The following FAXDC2 variants were observed in gnomAD, a reference collection of about 807,000 sequenced individuals.
FAXDC2 encodes fatty acid hydroxylase domain-containing protein 2.
FAXDC2 carries 41 observed loss-of-function variants against 40.9 expected under a neutral mutation model. The observed-to-expected ratio is 1.00, with a 90% confidence interval of 0.78 to 1.30. FAXDC2 has a LOEUF of 1.30. FAXDC2 is among the 50% of genes most tolerant of loss of function. The pLI, the probability that FAXDC2 is intolerant of heterozygous loss-of-function variation, is 0.00. For synonymous variants in FAXDC2, 157 were observed against 149.3 expected (o/e 1.05, Z -0.38); for missense variants, 390 against 408.8 (o/e 0.95, Z 0.40).
At chr5:154,834,990 G>A in intron 2 of FAXDC2, 56 bp from the exon 3 acceptor site, 5 of 1,105,408 alleles carry the variant, frequency 4.5e-6, no homozygotes, top group South Asian at 2.7e-5. Context: ...TTTACACCCA[G>A]CTCACTGCTG....
intron 4 of FAXDC2, chr5:154,831,433 G>A (rs1018787203): frequency 6.8e-6 from 1 of 147,388 alleles, no homozygotes; most frequent in Non-Finnish European, 1.5e-5. Flanking sequence ...ACTCATCGTT[G>A]TTTTTTTTTT....
Position 154,820,102 on chromosome 5 carries a change from C to T in FAXDC2, c.*214G>A. Reference sequence around the variant, plus strand: ...GAGCTGTGTTTTCCTTTTTCTTAAGCTAACTCCTGATCCCATTGAGGGACA... The same window carrying T: ...GAGCTGTGTTTTCCTTTTTCTTAAGTTAACTCCTGATCCCATTGAGGGACA... On this transcript the variant is annotated 3_prime_UTR_variant, in exon 9 of 9. Transcript: ENST00000326080. The T allele has an allele frequency of 2.0e-6, 1 of 496,628 alleles. No individual in the cohort carries two copies. The highest frequency in any genetic ancestry group is 3.7e-6 in the Non-Finnish European group (1 of 268,362). The allele number at this position is 496,628 out of a possible 1,614,324, so 30.8% of individuals were successfully genotyped here.
intron 5 of FAXDC2, among the ~76,000 whole-genome samples, chr5:154,826,656 T>C (rs1278126725): frequency 6.6e-6 from 1 of 152,134 alleles, no homozygotes; most frequent in Non-Finnish European, 1.5e-5. Context: ...TCTCTGGTGC[T>C]CTAATGAAAC....
chr5:154,833,723 C>G (rs1368164903), intron 4 of FAXDC2, among the ~76,000 whole-genome samples: 1 of 151,578 alleles, frequency 6.6e-6, no homozygotes, highest in Non-Finnish European at 1.5e-5. Context: ...AGCTGGAGTG[C>G]AGTGTCATGA....
chr5:154,830,635 TG>T, intron 5 of FAXDC2, 165 bp downstream of exon 5: 1 of 695,254 alleles, frequency 1.4e-6, no homozygotes, highest in Non-Finnish European at 2.4e-6. Context: ...TCTGAGGTTG[TG>T]GGCAAATTAT....
chr5:154,836,367 G>T (rs1330180626), intron 2 of FAXDC2: 1 of 152,206 alleles, frequency 6.6e-6, no homozygotes, highest in Non-Finnish European at 1.5e-5. Flanking sequence ...AGAAGTCATT[G>T]TGAGCTCGAT....
intron 1 of FAXDC2, among the ~76,000 whole-genome samples, chr5:154,846,280 G>A (rs1200721785): frequency 6.6e-6 from 1 of 151,748 alleles, no homozygotes; most frequent in African/African-American, 2.4e-5. Context: ...GTGTGTGTGT[G>A]TGTGTGTGTG....
intron 5 of FAXDC2, chr5:154,824,529 A>G (rs1291754017): frequency 1.4e-6 from 1 of 702,444 alleles, no homozygotes; most frequent in Non-Finnish European, 2.6e-6. Context: ...GTTTACTTCC[A>G]TCCCATTGCG....
intron 4 of FAXDC2, among the ~76,000 whole-genome samples, chr5:154,831,946 T>C (rs1280938269): frequency 6.6e-6 from 1 of 152,064 alleles, no homozygotes; most frequent in Admixed American, 6.6e-5. Context: ...AGTATTTCCA[T>C]ATAATGGAAT....
At position 154,834,886 on chromosome 5, in the gene FAXDC2, A is replaced by G. The variant is rs767562491; in HGVS notation, c.97T>C (p.Ser33Pro). 1.2e-6 allele frequency: 2 copies of G among 1,610,220 alleles called. No individual in the cohort carries two copies. The highest frequency in any genetic ancestry group is 2.7e-5 in the African/African-American group (2 of 74,864). The change falls in exon 3 of 9, where the codon TCT becomes CCT. Residue 33 changes from serine to proline, a missense_variant. Physicochemically the swap from Ser to Pro is moderately conservative, Grantham distance 74. Coordinates refer to ENST00000326080, the MANE Select transcript of FAXDC2 (RefSeq NM_032385.5). ...SMRRTAFILG[S>P]GLLSFVAFWN... ...AAGGCCACAAATGAGAGAAGTCCAGAGCCCAGGATGAAAGCTGTCCTCCTC... is the reference window on the plus strand; with the variant it reads ...AAGGCCACAAATGAGAGAAGTCCAGGGCCCAGGATGAAAGCTGTCCTCCTC...
chr5:154,824,947 GTGGTGTGCACC>G (rs1759984284), intron 5 of FAXDC2, among the ~76,000 whole-genome samples: 1 of 151,770 alleles, frequency 6.6e-6, no homozygotes, highest in Non-Finnish European at 1.5e-5. Context: ...GCTGGATGTG[GTGGTGTGCACC>G]TGTAGTCCCA....
At chr5:154,834,547 T>C (rs1760270031) in intron 4 of FAXDC2, 78 bp downstream of exon 4, 2 of 1,078,910 alleles carry the variant, frequency 1.9e-6, no homozygotes, top group South Asian at 1.4e-5. Flanking sequence ...AGTCCCAAAG[T>C]AGAGAACAAA....
intron 1 of FAXDC2, among the ~76,000 whole-genome samples, chr5:154,847,939 A>C (rs1760639489): frequency 6.6e-6 from 1 of 151,586 alleles, no homozygotes; most frequent in African/African-American, 2.4e-5. Context: ...TCCCGGGTTC[A>C]TGCCATTCTC....
chr5:154,830,542 G>T, intron 5 of FAXDC2: 1 of 367,956 alleles, frequency 2.7e-6, no homozygotes, highest in Non-Finnish European at 5.1e-6. Context: ...ACAGTGCCAT[G>T]GGGCACCACA....
In FAXDC2 at chr5:154,835,992, G is replaced by A. The variant is rs573051637; in HGVS notation, c.49-1058C>T. 1.1e-4 allele frequency among the ~76,000 whole-genome samples: 16 copies of A among 143,220 alleles called. No individual in the cohort carries two copies. In the South Asian group the frequency reaches 3.6e-3, roughly 32 times the overall value. 94.0% of individuals were successfully genotyped at this position (143,220 alleles called of 152,430 possible). Reference sequence around the variant, plus strand: ...TGCAACCTCCGCCTCCAGGGTTCAAGTGATTCTCCTGCCCCAGCTTCCTGA... The same window carrying A: ...TGCAACCTCCGCCTCCAGGGTTCAAATGATTCTCCTGCCCCAGCTTCCTGA... On this transcript the variant is annotated intron_variant, in intron 2 of 8. Transcript: ENST00000326080.
chr5:154,838,563 C>G (rs577155987), intron 1 of FAXDC2: 1 of 242,044 alleles, frequency 4.1e-6, no homozygotes, highest in South Asian at 5.1e-5. Flanking sequence ...ATGAACTTAC[C>G]CAGAACTCAA....
intron 2 of FAXDC2, among the ~76,000 whole-genome samples, chr5:154,836,993 C>G (rs1034640846): frequency 6.6e-6 from 1 of 152,102 alleles, no homozygotes; most frequent in Non-Finnish European, 1.5e-5. Context: ...ACATTTTAAT[C>G]CAGACTTTCA....
intron 5 of FAXDC2, among the ~76,000 whole-genome samples, chr5:154,828,229 G>A (rs1450268693): frequency 2.0e-5 from 3 of 152,010 alleles, no homozygotes; most frequent in Admixed American, 1.3e-4. Flanking sequence ...GGGCTCAAGC[G>A]ATTCTTCTGG....
chr5:154,823,638 T>C, intron 5 of FAXDC2, 46 bp from the exon 6 acceptor site: 3 of 1,509,034 alleles, frequency 2.0e-6, no homozygotes, highest in South Asian at 2.3e-5. Flanking sequence ...GTGTGAGAAG[T>C]AGGCTCCACC....
Sources: allele counts gnomAD v4.1 joint callset (sites outside exome capture counted in the v4.1 genomes callset), GRCh38; gene constraint gnomAD v4.1.1; transcripts MANE v1.5; gene names NCBI Gene and HGNC (gene_info 2026-07-23, HGNC 2026-07-21).